Variants in PSG8 observed in about 807,000 individuals in gnomAD.
The protein encoded by PSG8 is pregnancy specific beta-1-glycoprotein 8.
In PSG8, 57 loss-of-function variants were observed where a neutral mutation model predicts 42.5. That is an observed-to-expected ratio of 1.34 (90% confidence interval 1.08 to 1.67). PSG8 has a LOEUF of 1.67. Ranked by LOEUF, PSG8 falls within the 40% of genes most tolerant of loss-of-function variation. PSG8 has a pLI of 0.00. For missense variants in PSG8, 783 were observed against 518.6 expected (o/e 1.51, Z -4.95); for synonymous variants, 280 against 196.8 (o/e 1.42, Z -3.54).
At position 42,765,514 on chromosome 19, in the gene PSG8, T is replaced by G. The variant is rs773313488; in HGVS notation, c.64+4A>C. On this transcript the variant is annotated splice_donor_region_variant and intron_variant, in intron 1 of 4. Transcript: ENST00000306511. ...TGTCCTCTCCCAGGAGGTTCTCTCCTCACCTGTGAGCAGGAGCCCCTTCCA... is the reference window on the plus strand; with the variant it reads ...TGTCCTCTCCCAGGAGGTTCTCTCCGCACCTGTGAGCAGGAGCCCCTTCCA... 1.9e-6 allele frequency: 3 copies of G among 1,610,548 alleles called. No individual in the cohort carries two copies. Among genetic ancestry groups the G allele is most frequent in the Non-Finnish European group, 8.5e-7 (1 of 1,177,696 alleles).
chr19:42,765,546 G>A lies in PSG8; in HGVS notation c.36C>T (p.Arg12=). The A allele has an allele frequency of 1.2e-6, 2 of 1,611,470 alleles. No individual in the cohort carries two copies. The highest frequency in any genetic ancestry group is 1.7e-6 in the Non-Finnish European group (2 of 1,178,300). The change falls in exon 1 of 5, where the codon CGC becomes CGT. Residue 12 remains arginine, a synonymous_variant. Transcript: ENST00000306511. ...TGAGCAGGAGCCCCTTCCAGGTGAT[G>A]CGCTGTGTGCAGGGAGGGGCTGAGA... ...GLLSAPPCTQ[R]ITWKGLLLTA...
intron 3 of PSG8, among the ~76,000 whole-genome samples, 176 bp downstream of exon 3, chr19:42,757,826 T>C (rs994638665): frequency 3.9e-5 from 6 of 152,202 alleles, no homozygotes; most frequent in Admixed American, 2.6e-4. Flanking sequence ...TTTTCTCCTA[T>C]TGTTGATCAA....
chr19:42,759,258 G>T (rs1970012495), intron 2 of PSG8, among the ~76,000 whole-genome samples: 1 of 152,086 alleles, frequency 6.6e-6, no homozygotes, highest in Non-Finnish European at 1.5e-5. Context: ...ACTACTCTAT[G>T]TACCTGATAT....
At chr19:42,754,715 T>C in intron 4 of PSG8, 128 bp from the exon 5 acceptor site, 1 of 1,313,304 alleles carries the variant, frequency 7.6e-7, no homozygotes. Flanking sequence ...ACCCCCTCTA[T>C]GTTCACTGAG....
intron 4 of PSG8, 137 bp downstream of exon 4, chr19:42,754,851 C>G: frequency 6.6e-7 from 1 of 1,524,186 alleles, no homozygotes; most frequent in Non-Finnish European, 8.8e-7. Context: ...TTTCCCAGGG[C>G]AGGGAGTCAT....
At chr19:42,761,221 C>T (rs1288412014) in intron 2 of PSG8, among the ~76,000 whole-genome samples, 1 of 152,158 alleles carries the variant, frequency 6.6e-6, no homozygotes, top group African/African-American at 2.4e-5. Flanking sequence ...CCAGGCTAAC[C>T]TTGGGAGGAA....
At chr19:42,763,350 T>G (rs1055546401) in intron 2 of PSG8, among the ~76,000 whole-genome samples, 1 of 152,120 alleles carries the variant, frequency 6.6e-6, no homozygotes, top group African/African-American at 2.4e-5. Flanking sequence ...ACTCTGTCCT[T>G]GCCCAGATGA....
downstream of PSG8, chr19:42,754,153 C>G (rs564046043): frequency 4.5e-5 from 65 of 1,450,230 alleles, 2 homozygotes; most frequent in South Asian, 5.5e-4. Flanking sequence ...AAGATATCAG[C>G]CTGTTTGTTA....
At chr19:42,765,315 G>T (rs149987466) in intron 1 of PSG8, among the ~76,000 whole-genome samples, 2,152 of 152,004 alleles carry the variant, frequency 0.014, 27 homozygotes, top group Admixed American at 0.024. Context: ...ACAATATCTG[G>T]TTAAATTTTT....
downstream of PSG8, chr19:42,754,221 C>T (rs113566242): frequency 9.7e-5 from 153 of 1,579,854 alleles, 1 homozygote; most frequent in East Asian, 2.1e-3. Context: ...TTGGGATTTG[C>T]TTGTGCCCAT....
intron 4 of PSG8, 98 bp from the exon 5 acceptor site, chr19:42,754,685 C>T (rs1179790453): frequency 7.7e-6 from 11 of 1,433,478 alleles, no homozygotes; most frequent in Non-Finnish European, 1.0e-5. Context: ...AGCCAAGACA[C>T]ACCCTCAAGT....
At chr19:42,753,198 C>T (rs555655343), downstream of PSG8, 53 of 762,496 alleles carry the variant, frequency 7.0e-5, no homozygotes, top group African/African-American at 6.6e-4. Flanking sequence ...TGGTGTCGAA[C>T]ATTTTAGTGA....
At chr19:42,762,766 G>A (rs1223085701) in intron 2 of PSG8, among the ~76,000 whole-genome samples, 2 of 152,106 alleles carry the variant, frequency 1.3e-5, no homozygotes, top group Non-Finnish European at 2.9e-5. Flanking sequence ...AGGTGATTTA[G>A]TTCTGGAGTA....
chr19:42,753,233 T>C (rs1969825041), downstream of PSG8: 1 of 776,562 alleles, frequency 1.3e-6, no homozygotes, highest in African/African-American at 1.7e-5. Context: ...ACCCTTCAGG[T>C]ACAAGGGTTT....
At chr19:42,756,260 G>C (rs1038289201) in intron 3 of PSG8, 1 of 152,158 alleles carries the variant, frequency 6.6e-6, no homozygotes, top group African/African-American at 2.4e-5. Flanking sequence ...CCTCATGTAA[G>C]TGGATTCCAG....
rs762398728 is a variant in PSG8 at position 42,764,122 on chromosome 19, A to C, written c.224T>G (p.Leu75Arg). The C allele has an allele frequency of 2.1e-5, 34 of 1,613,798 alleles. No individual in the cohort carries two copies. Among genetic ancestry groups the C allele is most frequent in the Non-Finnish European group, 2.8e-5 (33 of 1,179,902 alleles). Residue 75 changes from leucine to arginine, a missense_variant, in exon 2 of 5, where the codon CTC becomes CGC. Transcript: ENST00000306511. ...YIWYKGQIRD[L>R]YHYITSYVVD... ...TACATATGATGTAATGTAATGGTAGAGGTCCCTGATTTGCCCTTTGTACCA... is the reference window on the plus strand; with the variant it reads ...TACATATGATGTAATGTAATGGTAGCGGTCCCTGATTTGCCCTTTGTACCA...
At chr19:42,757,641 A>T (rs1909827472) in intron 3 of PSG8, among the ~76,000 whole-genome samples, 1 of 152,108 alleles carries the variant, frequency 6.6e-6, no homozygotes. Context: ...TTCAGAGGGA[A>T]GGGAAAATCT....
downstream of PSG8, chr19:42,753,811 C>T (rs924917853): frequency 3.9e-5 from 17 of 431,938 alleles, no homozygotes; most frequent in Non-Finnish European, 7.1e-5. Context: ...TGTCCTGTTA[C>T]AAAGAGAGCA....
intron 2 of PSG8, among the ~76,000 whole-genome samples, chr19:42,760,671 C>G (rs976530394): frequency 6.6e-6 from 1 of 152,014 alleles, no homozygotes; most frequent in Non-Finnish European, 1.5e-5. Flanking sequence ...CAAGCTCTGC[C>G]TCCTAGGTTC....
Sources: gnomAD v4.1 joint callset for allele counts (sites outside exome capture counted in the v4.1 genomes callset) on GRCh38, gnomAD v4.1.1 for gene constraint, MANE v1.5 for transcripts, NCBI Gene and HGNC (gene_info 2026-07-23, HGNC 2026-07-21) for gene names.